The following VPS13B variants were observed in gnomAD, a reference collection of about 807,000 sequenced individuals.
VPS13B encodes vacuolar protein sorting 13 homolog B.
A neutral mutation model predicts 426.4 loss-of-function variants in VPS13B; 285 were observed. The observed-to-expected ratio is 0.67, with a 90% confidence interval of 0.61 to 0.74. VPS13B has a LOEUF of 0.74. VPS13B is among the 30% of genes least tolerant of loss of function. The probability of loss-of-function intolerance (pLI) is 0.00; values close to 1 mark genes in which losing one functional copy is unlikely to be tolerated. For missense variants in VPS13B, 4,537 were observed against 4,782.6 expected, an observed-to-expected ratio of 0.95 and a Z score of 1.51; for synonymous variants, 1,676 against 1,676.4, an observed-to-expected ratio of 1.00 and a Z score of 0.01.
intron 39 of VPS13B, among the ~76,000 whole-genome samples, chr8:99,744,769 A>G (rs1477954735): frequency 1.3e-5 from 2 of 150,062 alleles, no homozygotes; most frequent in African/African-American, 4.9e-5. Context: ...GAATTGAACA[A>G]TGAGAATACA....
At chr8:99,774,551 A>G (rs563940813) in intron 40 of VPS13B, among the ~76,000 whole-genome samples, 2 of 152,226 alleles carry the variant, frequency 1.3e-5, no homozygotes, top group Non-Finnish European at 2.9e-5. Context: ...CAGAGTGTCA[A>G]AAACTATAAT....
chr8:99,164,896 C>T (rs1362393351), intron 15 of VPS13B, among the ~76,000 whole-genome samples: 1 of 152,030 alleles, frequency 6.6e-6, no homozygotes, highest in Non-Finnish European at 1.5e-5. Flanking sequence ...TTCCTTTCTG[C>T]TGCCTCTGCC....
intron 21 of VPS13B, among the ~76,000 whole-genome samples, chr8:99,407,589 A>T (rs1004866135): frequency 1.3e-5 from 2 of 152,098 alleles, no homozygotes; most frequent in African/African-American, 4.8e-5. Flanking sequence ...TCCATAGCTC[A>T]TAAGTCTTGG....
intron 30 of VPS13B, among the ~76,000 whole-genome samples, chr8:99,554,630 G>A (rs1824454331): frequency 6.6e-6 from 1 of 152,114 alleles, no homozygotes; most frequent in African/African-American, 2.4e-5. Flanking sequence ...ATATTTACAA[G>A]CATAGAGAGA....
At chr8:99,031,634 A>C (rs551639136) in intron 2 of VPS13B, among the ~76,000 whole-genome samples, 1 of 152,222 alleles carries the variant, frequency 6.6e-6, no homozygotes, top group Non-Finnish European at 1.5e-5. Context: ...GCAGTAGTGT[A>C]ATTTCTATGT....
intron 35 of VPS13B, among the ~76,000 whole-genome samples, chr8:99,665,954 T>C (rs942544128): frequency 5.9e-5 from 9 of 152,220 alleles, no homozygotes; most frequent in African/African-American, 2.2e-4. Context: ...CCCATGAGCA[T>C]GGAATGTTCT....
intron 16 of VPS13B, among the ~76,000 whole-genome samples, chr8:99,187,900 G>A (rs1349407362): frequency 1.3e-5 from 2 of 152,008 alleles, no homozygotes; most frequent in Non-Finnish European, 2.9e-5. Context: ...CCTGGGAGAT[G>A]GAGGCTGCAG....
intron 19 of VPS13B, among the ~76,000 whole-genome samples, chr8:99,282,602 G>A (rs1281058122): frequency 1.3e-5 from 2 of 152,094 alleles, no homozygotes; most frequent in African/African-American, 4.8e-5. Context: ...ACCTTTTAAA[G>A]TATCTGCTTA....
chr8:99,848,043 G>A (rs1588778138), intron 54 of VPS13B, among the ~76,000 whole-genome samples: 1 of 152,248 alleles, frequency 6.6e-6, no homozygotes, highest in East Asian at 1.9e-4. Context: ...CTGTGAACAT[G>A]ATGTTCTTGG....
At chr8:99,184,260 T>C (rs189387321) in intron 16 of VPS13B, among the ~76,000 whole-genome samples, 29 of 152,358 alleles carry the variant, frequency 1.9e-4, no homozygotes, top group Admixed American at 1.7e-3. Context: ...TTGGATTATA[T>C]AGTAAATTTA....
chr8:99,088,130 G>A (rs1397970362), intron 3 of VPS13B, among the ~76,000 whole-genome samples: 1 of 149,684 alleles, frequency 6.7e-6, no homozygotes, highest in East Asian at 2.0e-4. Flanking sequence ...GTTGCAGTGA[G>A]CCGAGATTGC....
At chr8:99,874,216 G>A (rs1314908837) in intron 61 of VPS13B, among the ~76,000 whole-genome samples, 1 of 152,182 alleles carries the variant, frequency 6.6e-6, no homozygotes, top group East Asian at 1.9e-4. Context: ...CTGTTCAGGA[G>A]GAGCAATTAA....
rs537806024 is a variant in VPS13B at position 99,450,582 on chromosome 8, G to A, written c.3445+7947G>A. Among the ~76,000 whole-genome samples, 21 of 152,172 alleles carry A rather than the reference G, an allele frequency of 1.4e-4. No individual in the cohort carries two copies. The South Asian group carries it at 2.7e-3, about 20-fold the overall frequency. On this transcript the variant is annotated intron_variant, in intron 23 of 61. Coordinates refer to ENST00000357162, the MANE Select transcript of VPS13B (RefSeq NM_152564.5). The stretch of plus-strand genomic sequence containing the variant: ...CAAAAAATTAGCCGGGCATGGTGGC[G>A]TGCGCCTGTAGTCCCAGCTACTCAG...
rs764718035 is a variant in VPS13B, at chr8:99,038,515, A to G, written c.240A>G (p.Val80=). The G allele has an allele frequency of 1.2e-6, 2 of 1,612,840 alleles. No individual in the cohort carries two copies. Among genetic ancestry groups the G allele is most frequent in the South Asian group, 2.2e-5 (2 of 91,006 alleles). ...PWTKLGSEPV[V]ITINTMECIL... is the part of the protein sequence containing the mutation. ...CAAAACTGGGTTCAGAACCAGTGGT[A>G]ATTACCATCAATACTATGGAATGCA... is the stretch of plus-strand genomic sequence containing the variant. Residue 80 remains valine, a synonymous_variant, in exon 3 of 62, where the codon GTA becomes GTG. Transcript: ENST00000357162.
chr8:99,561,769 A>G (rs1434386445), intron 31 of VPS13B, among the ~76,000 whole-genome samples: 2 of 152,174 alleles, frequency 1.3e-5, no homozygotes, highest in African/African-American at 4.8e-5. Flanking sequence ...TCAGGATGGA[A>G]CCCCATTATG....
At chr8:99,782,780 T>C (rs147279196) in intron 42 of VPS13B, among the ~76,000 whole-genome samples, 1 of 152,188 alleles carries the variant, frequency 6.6e-6, no homozygotes, top group Non-Finnish European at 1.5e-5. Flanking sequence ...AGATGATTCA[T>C]CTAAAACTCA....
At chr8:99,479,815 G>A (rs999736103) in intron 24 of VPS13B, among the ~76,000 whole-genome samples, 5 of 152,124 alleles carry the variant, frequency 3.3e-5, no homozygotes, top group African/African-American at 1.2e-4. Flanking sequence ...GTATATTTGG[G>A]ATTTTCTCCA....
In VPS13B at chr8:99,463,265, A is replaced by G. The variant is rs118073754; in HGVS notation, c.3446-4149A>G. The stretch of plus-strand genomic sequence containing the variant: ...TACAATTGAAATAATGTTTTAGAGA[A>G]TCTTAGAGTATTATATTTCTTTATG... On this transcript the variant is annotated intron_variant, in intron 23 of 61. Transcript: ENST00000357162. Among the ~76,000 whole-genome samples, 32 of 152,336 alleles carry G rather than the reference A, an allele frequency of 2.1e-4. No homozygotes were observed. The East Asian group carries it at 6.0e-3, about 28-fold the overall frequency.
intron 19 of VPS13B, among the ~76,000 whole-genome samples, chr8:99,360,188 T>TTCTTTCTC (rs1812459732): frequency 3.2e-4 from 9 of 28,026 alleles, no homozygotes; most frequent in Non-Finnish European, 5.1e-4. Context: ...CTTTCTTTCT[T>TTCTTTCTC]TCTCTCTCTC....
Sources: allele counts gnomAD v4.1 joint callset (sites outside exome capture counted in the v4.1 genomes callset), GRCh38; gene constraint gnomAD v4.1.1; transcripts MANE v1.5; gene names NCBI Gene and HGNC (gene_info 2026-07-23, HGNC 2026-07-21).